FRYL: variants seen among roughly 807,000 people sequenced by gnomAD.
The protein encoded by FRYL is FRY like transcription coactivator, also known as protein furry homolog-like.
A neutral mutation model predicts 351.2 loss-of-function variants in FRYL; 150 were observed. The ratio of observed to expected loss-of-function variants is 0.43; its 90% CI spans 0.37 to 0.49. FRYL has a LOEUF of 0.49. FRYL is among the 20% of genes least tolerant of loss of function. FRYL has a pLI of 0.00. For synonymous variants in FRYL, 1,153 were observed against 1,257.1 expected (o/e 0.92, Z 1.75); for missense variants, 3,036 against 3,619.3 (o/e 0.84, Z 4.13).
intron 7 of FRYL, among the ~76,000 whole-genome samples, chr4:48,613,653 G>A (rs1157294391): frequency 1.3e-5 from 2 of 152,144 alleles, no homozygotes; most frequent in Admixed American, 6.5e-5. Flanking sequence ...CCTAGATTCT[G>A]ATATATGTAA....
At chr4:48,564,642 T>G (rs1250726551) in intron 30 of FRYL, among the ~76,000 whole-genome samples, 59 of 152,170 alleles carry the variant, frequency 3.9e-4, no homozygotes, top group Non-Finnish European at 5.9e-5. Context: ...GCTCAATATG[T>G]TCTATGCTGG....
chr4:48,746,979 T>C (rs1772749938), intron 1 of FRYL, among the ~76,000 whole-genome samples: 1 of 152,168 alleles, frequency 6.6e-6, no homozygotes, highest in Non-Finnish European at 1.5e-5. Context: ...AATAAATGAT[T>C]GTGTCTTTTA....
intron 10 of FRYL, 129 bp downstream of exon 10, chr4:48,606,309 C>T: frequency 1.8e-6 from 1 of 552,538 alleles, no homozygotes; most frequent in Non-Finnish European, 3.0e-6. Context: ...CTTAGAACAA[C>T]TTAACACATG....
intron 7 of FRYL, among the ~76,000 whole-genome samples, chr4:48,617,224 A>G (rs1172094052): frequency 1.3e-5 from 2 of 152,140 alleles, no homozygotes; most frequent in Non-Finnish European, 2.9e-5. Context: ...CCAAAGACAA[A>G]GATTAGCTAT....
chr4:48,598,078 A>C (rs1443471819), intron 13 of FRYL, among the ~76,000 whole-genome samples: 4 of 152,134 alleles, frequency 2.6e-5, no homozygotes, highest in African/African-American at 9.7e-5. Context: ...TTCTACTGTG[A>C]ACTAAAAAAA....
At chr4:48,652,852 C>A (rs1012818289) in intron 3 of FRYL, among the ~76,000 whole-genome samples, 18 of 152,290 alleles carry the variant, frequency 1.2e-4, no homozygotes, top group African/African-American at 3.8e-4. Context: ...GGAGCAAAAA[C>A]AACCAGGTTC....
At position 48,512,470 on chromosome 4, in the gene FRYL, A is replaced by G. The variant is rs1281992190; in HGVS notation, c.8145+11T>C. ...TATAATATGAATTCAGAAACCCTGA[A>G]CCTCACTGACCTGAAACAGCCTAGA... is the stretch of plus-strand genomic sequence containing the variant. On this transcript the variant is annotated intron_variant, in intron 57 of 63. Transcript: ENST00000358350. 3.8e-6 allele frequency: 6 copies of G among 1,595,156 alleles called. No homozygotes were observed. The highest frequency in any genetic ancestry group is 5.2e-6 in the Non-Finnish European group (6 of 1,164,094).
In FRYL at chr4:48,512,465, C is replaced by T. The variant is rs779468511; in HGVS notation, c.8145+16G>A. On this transcript the variant is annotated intron_variant, in intron 57 of 63. Transcript: ENST00000358350. ...GTAACTATAATATGAATTCAGAAAC[C>T]CTGAACCTCACTGACCTGAAACAGC... 1.3e-6 allele frequency: 2 copies of T among 1,586,060 alleles called. No homozygotes were observed. Among genetic ancestry groups the T allele is most frequent in the Non-Finnish European group, 8.6e-7 (1 of 1,156,606 alleles).
chr4:48,521,011 C>A, intron 55 of FRYL, 37 bp downstream of exon 55: 1 of 1,512,458 alleles, frequency 6.6e-7, no homozygotes. Flanking sequence ...TAAAAAGAGC[C>A]CAGATTGGCC....
At chr4:48,547,094 T>C (rs1021657850) in intron 41 of FRYL, among the ~76,000 whole-genome samples, 6 of 152,154 alleles carry the variant, frequency 3.9e-5, no homozygotes, top group Non-Finnish European at 5.9e-5. Flanking sequence ...TAAGAAAATA[T>C]ACCTTAAAAG....
intron 57 of FRYL, 132 bp downstream of exon 57, chr4:48,512,349 C>T: frequency 1.6e-6 from 1 of 638,100 alleles, no homozygotes. Flanking sequence ...TAAGTAATAC[C>T]ATTAGCTTAG....
chr4:48,515,022 TC>T lies in FRYL; in HGVS notation c.7937+5del. 6.2e-7 allele frequency: 1 copy of T among 1,610,794 alleles called. No individual in the cohort carries two copies. Among genetic ancestry groups the T allele is most frequent in the Non-Finnish European group, 8.5e-7 (1 of 1,178,310 alleles). ...CACTACAGTGTTTATGATACTGTAT[TC>T]TCACCTAGACAGTCCGGAGAAATCC... On this transcript the variant is annotated splice_donor_5th_base_variant and intron_variant, in intron 56 of 63. Coordinates refer to ENST00000358350, the MANE Select transcript of FRYL (RefSeq NM_015030.2).
intron 5 of FRYL, among the ~76,000 whole-genome samples, chr4:48,622,773 C>A (rs1750936514): frequency 6.6e-6 from 1 of 151,950 alleles, no homozygotes; most frequent in African/African-American, 2.4e-5. Context: ...ATTCTACATG[C>A]AGATTGAGAG....
At chr4:48,608,307 T>C (rs947357096) in intron 9 of FRYL, among the ~76,000 whole-genome samples, 2 of 152,214 alleles carry the variant, frequency 1.3e-5, no homozygotes, top group African/African-American at 4.8e-5. Context: ...TATATGATGA[T>C]TTCAGGGCCA....
rs1197567584 is a variant in FRYL at position 48,540,972 on chromosome 4, GAA to G, written c.5688-14_5688-13del. ...CATGATATGAGGTTCTTAAAAAAAA[GAA>G]AGAATAGATGAATGCATACCCAGTC... On this transcript the variant is annotated splice_polypyrimidine_tract_variant and intron_variant, in intron 45 of 63. Coordinates refer to ENST00000358350, the MANE Select transcript of FRYL (RefSeq NM_015030.2). The G allele has an allele frequency of 6.5e-6, 10 of 1,531,048 alleles. No homozygotes were observed. Among genetic ancestry groups the G allele is most frequent in the Non-Finnish European group, 8.8e-6 (10 of 1,138,578 alleles). 94.8% of individuals were successfully genotyped at this position (1,531,048 alleles called of 1,614,324 possible).
At chr4:48,524,724 T>G (rs2148844853) in intron 53 of FRYL, among the ~76,000 whole-genome samples, 1 of 152,178 alleles carries the variant, frequency 6.6e-6, no homozygotes, top group East Asian at 1.9e-4. Flanking sequence ...CATTCTAAGG[T>G]TCTATTAAAA....
At chr4:48,550,183 G>A (rs1732376725) in intron 38 of FRYL, among the ~76,000 whole-genome samples, 2 of 152,310 alleles carry the variant, frequency 1.3e-5, no homozygotes, top group Non-Finnish European at 2.9e-5. Context: ...CTGAAAGCCT[G>A]TGCTTCTATG....
intron 1 of FRYL, among the ~76,000 whole-genome samples, chr4:48,764,820 C>T (rs764499436): frequency 8.5e-4 from 129 of 152,290 alleles, no homozygotes; most frequent in Non-Finnish European, 1.5e-3. Context: ...AAAATTCCAA[C>T]GGCATTTTTC....
intron 18 of FRYL, among the ~76,000 whole-genome samples, chr4:48,587,408 T>C (rs571350824): frequency 1.3e-5 from 2 of 152,282 alleles, no homozygotes; most frequent in South Asian, 4.1e-4. Context: ...AATATACTGG[T>C]TTTTATTCTG....
Sources: gnomAD v4.1 joint callset for allele counts (sites outside exome capture counted in the v4.1 genomes callset) on GRCh38, gnomAD v4.1.1 for gene constraint, MANE v1.5 for transcripts, NCBI Gene and HGNC (gene_info 2026-07-23, HGNC 2026-07-21) for gene names.